Variants in CD96 observed in about 807,000 individuals in gnomAD.
The protein encoded by CD96 is CD96 molecule.
CD96 carries 70 observed loss-of-function variants against 71.3 expected under a neutral mutation model. The observed-to-expected ratio is 0.98, with a 90% CI of 0.81 to 1.20. The LOEUF (loss-of-function observed/expected upper bound fraction) is 1.20, where lower values mean the gene tolerates loss of function less well. CD96 is among the 50% of genes most tolerant of loss of function. CD96 has a pLI of 0.00. For synonymous variants in CD96, 248 were observed against 233.0 expected (o/e 1.06, Z -0.59); for missense variants, 742 against 677.5 (o/e 1.10, Z -1.06).
chr3:111,584,947 CA>C (rs766218870), intron 4 of CD96, among the ~76,000 whole-genome samples: 57 of 152,170 alleles, frequency 3.7e-4, no homozygotes, highest in Non-Finnish European at 7.2e-4. Context: ...AACCACATCA[CA>C]TCTTCCAAAA....
intron 14 of CD96, among the ~76,000 whole-genome samples, chr3:111,663,927 T>C (rs1290775292): frequency 1.3e-5 from 2 of 152,094 alleles, no homozygotes; most frequent in African/African-American, 4.8e-5. Context: ...TTTTTTTGTA[T>C]TTTTAGTAGA....
At chr3:111,655,396 A>C (rs1940204918), downstream of CD96, among the ~76,000 whole-genome samples, 1 of 152,214 alleles carries the variant, frequency 6.6e-6, no homozygotes, top group South Asian at 2.1e-4. Context: ...TGGAAGAGAG[A>C]GACATTTAAA....
chr3:111,610,463 G>A (rs991274647), intron 8 of CD96, among the ~76,000 whole-genome samples: 2 of 152,166 alleles, frequency 1.3e-5, no homozygotes, highest in African/African-American at 2.4e-5. Context: ...TCATCATTAC[G>A]AAGCTGCATG....
intron 2 of CD96, among the ~76,000 whole-genome samples, chr3:111,566,544 A>G (rs1037976815): frequency 2.0e-5 from 3 of 152,190 alleles, no homozygotes; most frequent in Non-Finnish European, 4.4e-5. Flanking sequence ...GAATACATGC[A>G]TGTATGCAAA....
exon 15 of CD96, chr3:111,665,544 C>T (rs945680498): frequency 6.6e-6 from 1 of 152,122 alleles, no homozygotes; most frequent in Non-Finnish European, 1.5e-5. Context: ...CTGGGATCCA[C>T]CAAAACTTCA....
intron 12 of CD96, among the ~76,000 whole-genome samples, chr3:111,641,013 A>G (rs1939564257): frequency 6.6e-6 from 1 of 152,222 alleles, no homozygotes; most frequent in Admixed American, 6.5e-5. Context: ...TCCTGGAAAC[A>G]CATCAAAATG....
At chr3:111,602,976 C>T (rs139118935) in intron 7 of CD96, among the ~76,000 whole-genome samples, 1 of 152,088 alleles carries the variant, frequency 6.6e-6, no homozygotes, top group African/African-American at 2.4e-5. Flanking sequence ...GATTCCTTCT[C>T]CACCTACGCC....
intron 2 of CD96, among the ~76,000 whole-genome samples, chr3:111,548,364 T>A (rs1261622167): frequency 6.6e-6 from 1 of 152,166 alleles, no homozygotes; most frequent in Non-Finnish European, 1.5e-5. Context: ...TTTGTCTCTG[T>A]GTGTGTCTTA....
chr3:111,586,780 C>G (rs538904065), intron 5 of CD96, among the ~76,000 whole-genome samples: 166 of 152,302 alleles, frequency 1.1e-3, no homozygotes, highest in African/African-American at 3.5e-3. Flanking sequence ...TTACCTCCCA[C>G]CAGGTCCCTC....
rs16858365 is a variant in CD96 at position 111,649,604 on chromosome 3, T to G, written c.1602-94T>G. ...AGTATGTCTCTTTCTCATCAATCTG[T>G]GTTCTCCTTTAAAGAAACAACACAT... On this transcript the variant is annotated intron_variant, in intron 13 of 13. Coordinates refer to ENST00000352690, the MANE Select transcript of CD96 (RefSeq NM_005816.5). 2.1e-3 allele frequency: 1,791 copies of G among 840,912 alleles called. 24 individuals carry two copies. In the African/African-American group the frequency reaches 0.026, roughly 12 times the overall value. The allele number at this position is 840,912 out of a possible 1,614,324, so 52.1% of individuals were successfully genotyped here.
At chr3:111,628,817 T>G (rs1451147418) in intron 10 of CD96, among the ~76,000 whole-genome samples, 1 of 152,170 alleles carries the variant, frequency 6.6e-6, no homozygotes, top group Non-Finnish European at 1.5e-5. Flanking sequence ...AGTGGACCTC[T>G]CAGCAGAAAT....
rs532957505 is a variant in CD96, at chr3:111,638,400, G to A, written c.1477+232G>A. 3.9e-5 allele frequency among the ~76,000 whole-genome samples: 6 copies of A among 152,226 alleles called. No individual in the cohort carries two copies. The East Asian group carries it at 1.2e-3, about 29-fold the overall frequency. On this transcript the variant is annotated intron_variant, in intron 12 of 13. Transcript: ENST00000352690. Reference sequence around the variant, plus strand: ...ATAAGGTGTTGTCAGGGTCAAACAGGAAGTTCTGATTTTAATTGGAGGATA... The same window carrying A: ...ATAAGGTGTTGTCAGGGTCAAACAGAAAGTTCTGATTTTAATTGGAGGATA...
intron 11 of CD96, 128 bp downstream of exon 11, chr3:111,637,389 A>G: frequency 1.4e-6 from 1 of 708,856 alleles, no homozygotes. Context: ...CTTGATGATG[A>G]AAATTACAAT....
chr3:111,578,998 C>G, intron 3 of CD96, 29 bp from the exon 4 acceptor site: 1 of 1,203,506 alleles, frequency 8.3e-7, no homozygotes, highest in Admixed American at 1.7e-5. Context: ...GTTGAGGACT[C>G]AATAACTGGT....
At chr3:111,615,694 A>G (rs1938196026) in intron 8 of CD96, among the ~76,000 whole-genome samples, 1 of 152,220 alleles carries the variant, frequency 6.6e-6, no homozygotes, top group Non-Finnish European at 1.5e-5. Context: ...CTTGAGATAG[A>G]TACTGATGTA....
At chr3:111,659,573 A>C (rs969635342) in intron 14 of CD96, among the ~76,000 whole-genome samples, 3 of 152,178 alleles carry the variant, frequency 2.0e-5, no homozygotes, top group Admixed American at 6.6e-5. Context: ...CATTAGTTGC[A>C]AGGAATTTTT....
chr3:111,606,716 A>G lies in CD96; in HGVS notation c.1104A>G (p.Ser368=), dbSNP rs1372723450. The change falls in exon 8 of 14, where the codon TCA becomes TCG. Residue 368 remains serine (S), a synonymous_variant. Transcript: ENST00000352690. The part of the protein sequence containing the change: ...ITFLLGSEIS[S]TDPPLSVTES... Reference sequence around the variant, plus strand: ...TCCTTTAAGGTTCTGAAATTTCCTCAACAGACCCTCCACTGAGTGTTACAG... The same window carrying G: ...TCCTTTAAGGTTCTGAAATTTCCTCGACAGACCCTCCACTGAGTGTTACAG... The G allele has an allele frequency of 2.5e-6, 4 of 1,587,460 alleles. No homozygotes were observed. In the South Asian group the frequency reaches 4.4e-5, roughly 18 times the overall value.
chr3:111,577,880 G>A (rs368467623), intron 3 of CD96, among the ~76,000 whole-genome samples: 1 of 152,030 alleles, frequency 6.6e-6, no homozygotes, highest in Non-Finnish European at 1.5e-5. Context: ...ATGCACTCCT[G>A]TTTACCCTTC....
intron 14 of CD96, among the ~76,000 whole-genome samples, chr3:111,663,248 G>A (rs549909515): frequency 6.6e-6 from 1 of 152,210 alleles, no homozygotes; most frequent in African/African-American, 2.4e-5. Flanking sequence ...GAGCAGCAAG[G>A]GGGAAATCTG....
Sources: allele counts gnomAD v4.1 joint callset (sites outside exome capture counted in the v4.1 genomes callset), GRCh38; gene constraint gnomAD v4.1.1; transcripts MANE v1.5; gene names NCBI Gene and HGNC (gene_info 2026-07-23, HGNC 2026-07-21).